Variants in SEMA3E observed in about 807,000 individuals in gnomAD.
SEMA3E encodes semaphorin-3E.
Under a neutral mutation model 93.6 loss-of-function variants are expected in SEMA3E, and 49 were observed. The observed-to-expected ratio is 0.52, with a 90% CI of 0.42 to 0.66. The LOEUF is 0.66. Ranked by LOEUF, SEMA3E falls within the 30% of genes least tolerant of loss-of-function variation. The probability of loss-of-function intolerance (pLI) is 0.00; values close to 1 mark genes in which losing one functional copy is unlikely to be tolerated. For synonymous variants in SEMA3E, 363 were observed against 330.7 expected (o/e 1.10, Z -1.06); for missense variants, 906 against 964.8 (o/e 0.94, Z 0.81).
At chr7:83,575,962 A>G (rs1166549407) in intron 1 of SEMA3E, among the ~76,000 whole-genome samples, 1 of 152,316 alleles carries the variant, frequency 6.6e-6, no homozygotes, top group African/African-American at 2.4e-5. Flanking sequence ...ATTGAATTGC[A>G]TAGTTTTAAG....
intron 4 of SEMA3E, among the ~76,000 whole-genome samples, chr7:83,428,753 T>C (rs75268584): frequency 6.6e-6 from 1 of 152,182 alleles, no homozygotes; most frequent in Non-Finnish European, 1.5e-5. Context: ...AACATTTTTT[T>C]CTCTAAAAAA....
At chr7:83,459,704 C>CCCTGTGA (rs1374007250) in intron 4 of SEMA3E, among the ~76,000 whole-genome samples, 2 of 152,132 alleles carry the variant, frequency 1.3e-5, no homozygotes, top group Admixed American at 1.3e-4. Flanking sequence ...CCATCGCATC[C>CCCTGTGA]CCTGTGACTT....
chr7:83,469,244 G>C lies in SEMA3E; in HGVS notation c.335C>G (p.Ala112Gly), dbSNP rs780025635. 6.2e-7 allele frequency: 1 copy of C among 1,605,288 alleles called. No homozygotes were observed. The highest frequency in any genetic ancestry group is 8.5e-7 in the Non-Finnish European group (1 of 1,172,696). ...TAATTTACAATGAATCATACTTACC[G>C]CATCTTTTCCCTTCATTATGCATTC... Reference protein sequence around the residue: ...MEECIMKGKDAGECANYVRVL... With the variant: ...MEECIMKGKDGGECANYVRVL... The change falls in exon 3 of 17, where the codon GCG becomes GGG. Residue 112 changes from alanine to glycine, a missense_variant and splice_region_variant. Physicochemically the swap from Ala to Gly is moderately conservative, Grantham distance 60 (BLOSUM62 0). Transcript: ENST00000643230.
chr7:83,541,850 A>G (rs762500383), intron 1 of SEMA3E, among the ~76,000 whole-genome samples: 3 of 145,996 alleles, frequency 2.1e-5, no homozygotes, highest in African/African-American at 5.0e-5. Context: ...GAAGGAGTGT[A>G]TATCCTCTCA....
intron 4 of SEMA3E, among the ~76,000 whole-genome samples, chr7:83,436,954 G>C (rs1461922042): frequency 6.6e-6 from 1 of 152,186 alleles, no homozygotes; most frequent in Non-Finnish European, 1.5e-5. Context: ...GCAAGGAGGA[G>C]CAAGTTATGT....
intron 4 of SEMA3E, among the ~76,000 whole-genome samples, chr7:83,430,700 A>G (rs1162717508): frequency 6.6e-6 from 1 of 152,134 alleles, no homozygotes; most frequent in Non-Finnish European, 1.5e-5. Context: ...GATGGGAGGG[A>G]GAGCATTAGG....
At position 83,430,810 on chromosome 7, in the gene SEMA3E, G is replaced by A. The variant is rs182229503; in HGVS notation, c.457-12327C>T. The stretch of plus-strand genomic sequence containing the variant: ...GTATACCTATGTAGCAAACCTGCAC[G>A]TTCTGCTCATGTATCCCAGGACTTA... On this transcript the variant is annotated intron_variant, in intron 4 of 16. Transcript: ENST00000643230. Among the ~76,000 whole-genome samples the A allele has an allele frequency of 1.4e-4, 21 of 152,196 alleles. 1 individual carries two copies. The South Asian group carries it at 2.7e-3, about 20-fold the overall frequency.
chr7:83,526,401 A>G (rs572314189), intron 1 of SEMA3E, among the ~76,000 whole-genome samples: 6 of 152,224 alleles, frequency 3.9e-5, no homozygotes, highest in African/African-American at 1.4e-4. Context: ...TTATTTCATT[A>G]TTTTCAGGGA....
At chr7:83,624,117 T>G (rs191527001) in intron 1 of SEMA3E, among the ~76,000 whole-genome samples, 1 of 152,190 alleles carries the variant, frequency 6.6e-6, no homozygotes. Context: ...CTTTATCCAG[T>G]CTCTCCATGA....
chr7:83,603,284 A>C (rs933947738), intron 1 of SEMA3E, among the ~76,000 whole-genome samples: 1 of 152,116 alleles, frequency 6.6e-6, no homozygotes, highest in Non-Finnish European at 1.5e-5. Context: ...AACATAATCT[A>C]ATGAGTATTA....
intron 4 of SEMA3E, among the ~76,000 whole-genome samples, chr7:83,424,071 GAGA>G (rs1415577934): frequency 2.0e-5 from 3 of 152,078 alleles, no homozygotes; most frequent in African/African-American, 7.2e-5. Context: ...ATGTAAAAAG[GAGA>G]AGAAAGGTCC....
intron 5 of SEMA3E, among the ~76,000 whole-genome samples, chr7:83,418,139 C>A (rs1028075470): frequency 2.1e-4 from 32 of 152,148 alleles, no homozygotes; most frequent in African/African-American, 7.5e-4. Flanking sequence ...ACACCAAATA[C>A]ATGAGATATT....
rs144904942 is a variant in SEMA3E, at chr7:83,439,200, T to C, written c.457-20717A>G. ...TCTTCAATCCTATGAGTGTTCCTAC[T>C]GCTGACTGAGTCATACTTGATCACA... On this transcript the variant is annotated intron_variant, in intron 4 of 16. Coordinates refer to ENST00000643230, the MANE Select transcript of SEMA3E (RefSeq NM_012431.3). 2.7e-3 allele frequency among the ~76,000 whole-genome samples: 414 copies of C among 152,348 alleles called. 2 individuals carry two copies. The highest frequency in any genetic ancestry group is 8.2e-3 in the African/African-American group (343 of 41,580).
rs1340292086 is a variant in SEMA3E, at chr7:83,367,901, C to T, written c.2013G>A (p.Glu671=). The change falls in exon 17 of 17, where the codon GAG becomes GAA. Residue 671 remains glutamate, a synonymous_variant. Coordinates refer to ENST00000643230, the MANE Select transcript of SEMA3E (RefSeq NM_012431.3). Reference sequence around the variant, plus strand: ...CCTCGACTTTCTCCTCTTCCACTACCTCCAAGGTGATTTTACGGACCGTAT... The same window carrying T: ...CCTCGACTTTCTCCTCTTCCACTACTTCCAAGGTGATTTTACGGACCGTAT... ...FVHTVRKITL[E]VVEEEKVEDM... is the part of the protein sequence containing the mutation. The T allele has an allele frequency of 2.5e-6, 4 of 1,610,848 alleles. No homozygotes were observed. The South Asian group carries it at 3.3e-5, about 13-fold the overall frequency.
intron 1 of SEMA3E, among the ~76,000 whole-genome samples, chr7:83,603,782 A>G (rs1281495487): frequency 2.0e-5 from 3 of 152,170 alleles, no homozygotes; most frequent in Non-Finnish European, 4.4e-5. Context: ...GCATTCTTCT[A>G]AAATATTGTT....
chr7:83,518,740 G>A (rs1790984936), intron 1 of SEMA3E, among the ~76,000 whole-genome samples: 3 of 152,038 alleles, frequency 2.0e-5, no homozygotes, highest in African/African-American at 4.8e-5. Context: ...TTTGCTTGGT[G>A]ATGCCCAAAG....
chr7:83,533,586 T>C (rs996932882), intron 1 of SEMA3E, among the ~76,000 whole-genome samples: 1 of 22,336 alleles, frequency 4.5e-5, no homozygotes, highest in Non-Finnish European at 2.2e-4. Flanking sequence ...TAAAATAAAA[T>C]AAAATAAAAT....
At chr7:83,627,445 A>C (rs956893928) in intron 1 of SEMA3E, among the ~76,000 whole-genome samples, 1 of 151,672 alleles carries the variant, frequency 6.6e-6, no homozygotes, top group African/African-American at 2.4e-5. Context: ...CCTCTATTAG[A>C]TGCAGATATA....
chr7:83,556,071 G>A (rs752087431), intron 1 of SEMA3E, among the ~76,000 whole-genome samples: 27 of 151,980 alleles, frequency 1.8e-4, no homozygotes, highest in Non-Finnish European at 3.7e-4. Context: ...AACAGGAAAT[G>A]TTCATAAACA....
Sources: allele counts gnomAD v4.1 joint callset (sites outside exome capture counted in the v4.1 genomes callset), GRCh38; gene constraint gnomAD v4.1.1; transcripts MANE v1.5; gene names NCBI Gene and HGNC (gene_info 2026-07-23, HGNC 2026-07-21).